Variants in TFG observed in about 807,000 individuals in gnomAD.
TFG encodes the protein protein TFG.
A neutral mutation model predicts 51.4 loss-of-function variants in TFG; 22 were observed. The observed-to-expected ratio is 0.43, with a 90% CI of 0.31 to 0.61. The LOEUF (loss-of-function observed/expected upper bound fraction) is 0.61, where lower values mean the gene tolerates loss of function less well. TFG is among the 20% of genes least tolerant of loss of function. The pLI, the probability that TFG is intolerant of heterozygous loss-of-function variation, is 0.12. For synonymous variants in TFG, 187 were observed against 165.6 expected (o/e 1.13, Z -0.99); for missense variants, 419 against 487.7 (o/e 0.86, Z 1.33).
chr3:100,741,919 A>G (rs923994648), intron 6 of TFG, among the ~76,000 whole-genome samples: 6 of 152,190 alleles, frequency 3.9e-5, no homozygotes, highest in South Asian at 4.1e-4. Context: ...AGTAGGCTAT[A>G]TACATCTAGG....
At chr3:100,733,319 G>T (rs1236230997) in intron 5 of TFG, among the ~76,000 whole-genome samples, 1 of 152,116 alleles carries the variant, frequency 6.6e-6, no homozygotes, top group Admixed American at 6.5e-5. Flanking sequence ...CAGGTTGGGT[G>T]ATTTCTGTTG....
chr3:100,747,073 T>C (rs1342879171), intron 7 of TFG, among the ~76,000 whole-genome samples: 3 of 152,222 alleles, frequency 2.0e-5, no homozygotes, highest in Non-Finnish European at 4.4e-5. Flanking sequence ...ATTTAGTCTT[T>C]TCAAATTATT....
chr3:100,744,001 G>T (rs1234146522), intron 6 of TFG: 2 of 152,036 alleles, frequency 1.3e-5, no homozygotes, highest in African/African-American at 4.8e-5. Context: ...AAATAATTGA[G>T]AAGTAGAGAT....
chr3:100,737,787 G>A (rs1469875906), intron 6 of TFG, among the ~76,000 whole-genome samples: 1 of 152,118 alleles, frequency 6.6e-6, no homozygotes, highest in Non-Finnish European at 1.5e-5. Flanking sequence ...GGTGCCTCAC[G>A]CCTATAATCC....
intron 7 of TFG, 90 bp from the exon 8 acceptor site, chr3:100,748,059 A>AT: frequency 8.1e-7 from 1 of 1,241,722 alleles, no homozygotes; most frequent in Non-Finnish European, 1.1e-6. Flanking sequence ...ATTTCTCACC[A>AT]TTTTTGGTCC....
Position 100,732,824 on chromosome 3 carries a change from C to G in TFG, c.580+152C>G, listed in dbSNP as rs1282974626. ...TAACAAATTTTTACATATGTGTACA[C>G]TTATGTAAAAGACTAACTAGATTAA... On this transcript the variant is annotated intron_variant, in intron 5 of 7. Coordinates refer to ENST00000240851, the MANE Select transcript of TFG (RefSeq NM_006070.6). 6.6e-6 allele frequency: 4 copies of G among 602,922 alleles called. No homozygotes were observed. In the South Asian group the frequency reaches 1.0e-4, roughly 15 times the overall value. 37.3% of individuals were successfully genotyped at this position (602,922 alleles called of 1,614,324 possible).
At position 100,718,015 on chromosome 3, in the gene TFG, C is replaced by T. The variant is rs531817689; in HGVS notation, c.185-1960C>T. ...TCATGGCTCATTGAAGCCTTGAACT[C>T]CTGGGCTCAAGCAGTCCTTGCAACT... On this transcript the variant is annotated intron_variant, in intron 2 of 7. Transcript: ENST00000240851. Among the ~76,000 whole-genome samples, 164 of 152,182 alleles carry T rather than the reference C, an allele frequency of 1.1e-3. 1 individual carries two copies. The highest frequency in any genetic ancestry group is 3.8e-3 in the African/African-American group (159 of 41,510).
At chr3:100,743,715 A>G (rs2149095552) in intron 6 of TFG, 1 of 152,270 alleles carries the variant, frequency 6.6e-6, no homozygotes, top group Non-Finnish European at 1.5e-5. Context: ...AGCAGCTGGT[A>G]TAATAGAGTG....
rs1466297618 is a variant in TFG, at chr3:100,713,685, C to G, written c.-1C>G. The G allele has an allele frequency of 1.9e-6, 3 of 1,592,890 alleles. No homozygotes were observed. Among genetic ancestry groups the G allele is most frequent in the African/African-American group, 1.3e-5 (1 of 74,320 alleles). ...ATATATAGAACATCCTGGAGTCCAC[C>G]ATGAACGGACAGTTGGATCTAAGTG... On this transcript the variant is annotated 5_prime_UTR_variant, in exon 2 of 8. Transcript: ENST00000240851.
chr3:100,743,900 G>A (rs1373821860), intron 6 of TFG: 1 of 151,798 alleles, frequency 6.6e-6, no homozygotes, highest in East Asian at 1.9e-4. Flanking sequence ...CAGCCAACAT[G>A]TGATTATTTT....
intron 1 of TFG, among the ~76,000 whole-genome samples, chr3:100,711,326 C>T (rs956410165): frequency 6.6e-6 from 1 of 152,162 alleles, no homozygotes; most frequent in Non-Finnish European, 1.5e-5. Flanking sequence ...TGGTCTTGGA[C>T]TCCTGACCTC....
chr3:100,717,647 T>A lies in TFG; in HGVS notation c.185-2328T>A, dbSNP rs559819002. On this transcript the variant is annotated intron_variant, in intron 2 of 7. Coordinates refer to ENST00000240851, the MANE Select transcript of TFG (RefSeq NM_006070.6). ...ACTGCTTCCTAGATATTTAAAAAAA[T>A]TTTTGTAGCTGTGGTTAATGGGATT... Among the ~76,000 whole-genome samples the A allele has an allele frequency of 2.8e-4, 42 of 151,234 alleles. 1 individual carries two copies. The South Asian group carries it at 4.2e-3, about 15-fold the overall frequency.
At chr3:100,725,263 T>C (rs2095072003) in intron 3 of TFG, among the ~76,000 whole-genome samples, 1 of 152,160 alleles carries the variant, frequency 6.6e-6, no homozygotes, top group South Asian at 2.1e-4. Flanking sequence ...AACTGCTGTA[T>C]GCCTAATATA....
chr3:100,732,489 T>G lies in TFG; in HGVS notation c.416-19T>G. 1 of 1,585,484 alleles carries G rather than the reference T, an allele frequency of 6.3e-7. No individual in the cohort carries two copies. On this transcript the variant is annotated intron_variant, in intron 4 of 7. Transcript: ENST00000240851. The stretch of plus-strand genomic sequence containing the variant: ...GATAAAAAGGAAACAAGTTTTTGTT[T>G]ATTCCTCTATTTTTACAGATACTGT...
chr3:100,710,605 C>T (rs1326095479), intron 1 of TFG, among the ~76,000 whole-genome samples: 1 of 152,194 alleles, frequency 6.6e-6, no homozygotes, highest in East Asian at 1.9e-4. Flanking sequence ...GGTAGTAGAA[C>T]CAGAAGTTTG....
At chr3:100,715,177 A>G (rs1365436334) in intron 2 of TFG, among the ~76,000 whole-genome samples, 3 of 152,232 alleles carry the variant, frequency 2.0e-5, no homozygotes, top group Non-Finnish European at 4.4e-5. Context: ...AAGTAATGCC[A>G]GCAGATATAA....
intron 3 of TFG, among the ~76,000 whole-genome samples, chr3:100,721,387 C>T: frequency 6.6e-6 from 1 of 152,080 alleles, no homozygotes; most frequent in East Asian, 1.9e-4. Flanking sequence ...GAATTGCCAT[C>T]TGGTGTCTAC....
intron 2 of TFG, among the ~76,000 whole-genome samples, chr3:100,716,058 T>G (rs2095045000): frequency 2.0e-5 from 3 of 152,188 alleles, no homozygotes; most frequent in African/African-American, 7.2e-5. Context: ...TATTTATTTC[T>G]TTGGGTTAGA....
At position 100,748,169 on chromosome 3, in the gene TFG, G is replaced by A; in HGVS notation, c.841G>A (p.Gly281Arg). The change falls in exon 8 of 8, where the codon GGA becomes AGA. Residue 281 changes from glycine to arginine, a missense_variant. Gly to Arg is a moderately radical substitution (Grantham distance 125). Transcript: ENST00000240851. The part of the protein sequence containing the change: ...QYSASYSQQT[G>R]PQQPQQFQGY... ...TTCAGCAAGCTATAGTCAGCAGACT[G>A]GACCTCAACAACCTCAGCAGTTCCA... 1 of 1,613,988 alleles carries A rather than the reference G, an allele frequency of 6.2e-7. No homozygotes were observed. The highest frequency in any genetic ancestry group is 8.5e-7 in the Non-Finnish European group (1 of 1,179,942).
Sources: gnomAD v4.1 joint callset for allele counts (sites outside exome capture counted in the v4.1 genomes callset) on GRCh38, gnomAD v4.1.1 for gene constraint, MANE v1.5 for transcripts, NCBI Gene and HGNC (gene_info 2026-07-23, HGNC 2026-07-21) for gene names.